The following SPEG variants were observed in gnomAD, a reference collection of about 807,000 sequenced individuals.
The protein encoded by SPEG is striated muscle enriched protein kinase, also known as striated muscle preferentially expressed protein kinase.
A neutral mutation model predicts 300.4 loss-of-function variants in SPEG; 114 were observed. The ratio of observed to expected loss-of-function variants is 0.38; its 90% confidence interval spans 0.33 to 0.44. The LOEUF (loss-of-function observed/expected upper bound fraction) is 0.44. Among genes scored for constraint, SPEG ranks in the 20% least tolerant of loss-of-function variants. SPEG has a pLI of 1.00. For synonymous variants in SPEG, 1,964 were observed against 2,018.9 expected (o/e 0.97, Z 0.73); for missense variants, 4,201 against 4,586.2 (o/e 0.92, Z 2.43).
At position 219,473,523 on chromosome 2, in the gene SPEG, C is replaced by T; in HGVS notation, c.4167C>T (p.Ala1389=). 6.2e-7 allele frequency: 1 copy of T among 1,614,078 alleles called. No homozygotes were observed. The highest frequency in any genetic ancestry group is 1.1e-5 in the South Asian group (1 of 91,078). The stretch of plus-strand genomic sequence containing the variant: ...TCCCAGGCCCAACCCTGGAGGAGGC[C>T]CCTGCCATGCTGGACAAACCAGACA... ...LLEHGPTLEE[A]PAMLDKPDIV... Residue 1389 remains alanine, a synonymous_variant, in exon 17 of 41, where the codon GCC becomes GCT. Coordinates refer to ENST00000312358, the MANE Select transcript of SPEG (RefSeq NM_005876.5). This position sits in a 1 kb window ranked among gnomAD's most constrained non-coding sequence, Gnocchi z 4.6.
At chr2:219,465,827 A>T (rs1012894574) in intron 9 of SPEG, 6 of 591,698 alleles carry the variant, frequency 1.0e-5, no homozygotes, top group Middle Eastern at 4.4e-4. Flanking sequence ...GTGCGTGCGC[A>T]TGCGTGCGTG....
rs1471446396 is a variant in SPEG, at chr2:219,473,775, G to A, written c.4319G>A (p.Ser1440Asn). ...LEARAGVYEL[S>N]QPDDDQYCLR... ...GCACGGGCCGGTGTGTACGAGCTGA[G>A]CCAGCCAGATGATGACCAGTACTGT... is the stretch of plus-strand genomic sequence containing the variant. Residue 1440 changes from serine to asparagine, a missense_variant, in exon 18 of 41, where the codon AGC becomes AAC. Coordinates refer to ENST00000312358, the MANE Select transcript of SPEG (RefSeq NM_005876.5). This position sits in a 1 kb window ranked among gnomAD's most constrained non-coding sequence, Gnocchi z 4.6. The A allele has an allele frequency of 1.9e-6, 3 of 1,614,052 alleles. No individual in the cohort carries two copies. Among genetic ancestry groups the A allele is most frequent in the South Asian group, 1.1e-5 (1 of 91,086 alleles).
In SPEG at chr2:219,465,999, G is replaced by A. The variant is rs561140078; in HGVS notation, c.2882-1175G>A. On this transcript the variant is annotated intron_variant, in intron 9 of 40. Coordinates refer to ENST00000312358, the MANE Select transcript of SPEG (RefSeq NM_005876.5). ...TGTGCATGTGTGTGTGTGCGCGTGC[G>A]TGCGCGTATGCTGCACTAACCTGCC... 2.2e-4 allele frequency: 326 copies of A among 1,472,400 alleles called. 1 individual carries two copies. In the South Asian group the frequency reaches 3.4e-3, roughly 15 times the overall value. 91.2% of individuals were successfully genotyped at this position (1,472,400 alleles called of 1,614,324 possible).
chr2:219,472,095 TG>T, intron 14 of SPEG, 108 bp downstream of exon 14: 1 of 1,526,970 alleles, frequency 6.5e-7, no homozygotes. Context: ...CTCCATCCCC[TG>T]GGGACCCTCT....
intron 31 of SPEG, among the ~76,000 whole-genome samples, chr2:219,487,837 A>G (rs1693585003): frequency 6.6e-6 from 1 of 152,156 alleles, no homozygotes; most frequent in Non-Finnish European, 1.5e-5. Context: ...CTTAACCATT[A>G]TAGTTTTTCA....
chr2:219,472,047 G>T, intron 14 of SPEG, 60 bp downstream of exon 14: 1 of 1,595,254 alleles, frequency 6.3e-7, no homozygotes, highest in Non-Finnish European at 8.5e-7. Context: ...CACTACGTGG[G>T]GGCTCAGGGA....
chr2:219,466,888 C>A, intron 9 of SPEG: 1 of 1,203,910 alleles, frequency 8.3e-7, no homozygotes, highest in South Asian at 3.5e-5. Flanking sequence ...TTTTTTTTCC[C>A]CCGCCGATGT....
At position 219,464,401 on chromosome 2, in the gene SPEG, G is replaced by T. The variant is rs374627319; in HGVS notation, c.2706-32G>T. ...CTGTGCACGCACATCAGGCCCCTGG[G>T]CCCTGGGACTGAGTTCTTGCCCCTC... is the stretch of plus-strand genomic sequence containing the variant. On this transcript the variant is annotated intron_variant, in intron 8 of 40. Transcript: ENST00000312358. This position sits in a 1 kb window ranked among gnomAD's most constrained non-coding sequence, Gnocchi z 4.5. 6.3e-7 allele frequency: 1 copy of T among 1,592,732 alleles called. No individual in the cohort carries two copies. The highest frequency in any genetic ancestry group is 1.3e-5 in the African/African-American group (1 of 74,756).
chr2:219,450,438 C>T (rs1212604573), intron 4 of SPEG, among the ~76,000 whole-genome samples: 1 of 152,182 alleles, frequency 6.6e-6, no homozygotes, highest in Non-Finnish European at 1.5e-5. Context: ...TATGGAATGT[C>T]AGAGTTGGAG....
In SPEG at chr2:219,463,430, T is replaced by A. The variant is rs867649928; in HGVS notation, c.2706-1003T>A. 5.4e-3 allele frequency among the ~76,000 whole-genome samples: 607 copies of A among 111,408 alleles called. 7 individuals carry two copies. The highest frequency in any genetic ancestry group is 0.02 in the African/African-American group (571 of 28,558). The allele number at this position is 111,408 out of a possible 152,430, so 73.1% of individuals were successfully genotyped here. A position where few individuals can be genotyped will look rare whatever the true frequency, so the allele number is the denominator to read the frequency against. ...TTTTTTTTTTTTTTTTTTTTTTTTT[T>A]AGCTGGAGTTTCACTCTTTGTCGCC... On this transcript the variant is annotated intron_variant, in intron 8 of 40. Transcript: ENST00000312358.
Position 219,489,918 on chromosome 2 carries a change from C to A in SPEG, c.8900C>A (p.Thr2967Asn). 1 of 1,577,578 alleles carries A rather than the reference C, an allele frequency of 6.3e-7. No homozygotes were observed. The highest frequency in any genetic ancestry group is 1.7e-5 in the Admixed American group (1 of 57,284). ...LRQGPPQKPY[T>N]FLEEKARGRF... ...CAGGGTCCCCCTCAGAAACCCTACA[C>A]CTTCCTGGAGGAGAAAGCCAGGCAA... The change falls in exon 36 of 41, where the codon ACC (threonine) becomes AAC (asparagine). Residue 2967 changes from threonine to asparagine, a missense_variant. Physicochemically the swap from Thr to Asn is moderately conservative, Grantham distance 65. This residue lies in a region of SPEG where 318 missense variants were observed against 429.5 expected (regional missense o/e 0.74). Transcript: ENST00000312358.
chr2:219,477,362 C>A lies in SPEG; in HGVS notation c.4646C>A (p.Ala1549Asp), dbSNP rs1406400050. The A allele has an allele frequency of 6.2e-7, 1 of 1,613,128 alleles. No homozygotes were observed. Among genetic ancestry groups the A allele is most frequent in the Middle Eastern group, 1.7e-4 (1 of 6,058 alleles). ...ECSLVVLSTG[A>D]QDGGVYTCTA... The stretch of plus-strand genomic sequence containing the variant: ...TCCCTGGTGGTGCTCAGCACGGGGG[C>A]CCAGGATGGAGGCGTCTACACCTGC... Residue 1549 changes from alanine (A) to aspartate (D), a missense_variant, in exon 20 of 41, where the codon GCC (alanine) becomes GAC (aspartate). Transcript: ENST00000312358. The surrounding 1 kb of genome is among the most constrained non-coding windows in gnomAD (Gnocchi z 6.4).
At chr2:219,461,368 G>A (rs907016459) in intron 6 of SPEG, 83 of 988,904 alleles carry the variant, frequency 8.4e-5, no homozygotes, top group Non-Finnish European at 9.3e-5. Flanking sequence ...AGATAGTGCC[G>A]CCTCATTGGC....
chr2:219,476,757 T>C, intron 18 of SPEG, 113 bp from the exon 19 acceptor site: 3 of 769,052 alleles, frequency 3.9e-6, no homozygotes, highest in African/African-American at 1.7e-5. Flanking sequence ...GGCGGGGGTC[T>C]AGCGTTCTGA....
rs375369894 is a variant in SPEG, at chr2:219,485,412, C to G, written c.7676C>G (p.Ser2559Trp). Reference sequence around the variant, plus strand: ...CGGCCGCGGAAGGACAAGGGGTTATCGCCACCAAACCTCTCTGCCAGCGTC... The same window carrying G: ...CGGCCGCGGAAGGACAAGGGGTTATGGCCACCAAACCTCTCTGCCAGCGTC... ...FSRPRKDKGL[S>W]PPNLSASVQE... Residue 2559 changes from serine to tryptophan, a missense_variant, in exon 31 of 41, where the codon TCG becomes TGG. Physicochemically the swap from Ser to Trp is radical, Grantham distance 177. This residue lies in a region of SPEG where 1,578 missense variants were observed against 1,506.0 expected (regional missense o/e 1.05). Coordinates refer to ENST00000312358, the MANE Select transcript of SPEG (RefSeq NM_005876.5). The G allele has an allele frequency of 2.5e-6, 4 of 1,607,298 alleles. No homozygotes were observed. The highest frequency in any genetic ancestry group is 1.1e-5 in the South Asian group (1 of 90,468).
Position 219,489,852 on chromosome 2 carries a change from G to C in SPEG, c.8834G>C (p.Ser2945Thr), listed in dbSNP as rs1263661305. Residue 2945 changes from serine (S) to threonine (T), a missense_variant, in exon 36 of 41, where the codon AGT becomes ACT. Physicochemically the swap from Ser to Thr is moderately conservative, Grantham distance 58 (BLOSUM62 1). This residue lies in a region of SPEG where 1,578 missense variants were observed against 1,506.0 expected (regional missense o/e 1.05). Coordinates refer to ENST00000312358, the MANE Select transcript of SPEG (RefSeq NM_005876.5). ...GAGGTGGTCAGCTCCCCTGGGAGCA[G>C]TCCCCGAAGCTCTCCCAGGCCTGAG... Reference protein sequence around the residue: ...AKEVVSSPGSSPRSSPRPEGT... With the variant: ...AKEVVSSPGSTPRSSPRPEGT... The C allele has an allele frequency of 1.2e-6, 2 of 1,612,592 alleles. No homozygotes were observed. The highest frequency in any genetic ancestry group is 1.1e-5 in the South Asian group (1 of 91,068).
chr2:219,460,288 A>G, intron 6 of SPEG: 7 of 985,126 alleles, frequency 7.1e-6, no homozygotes, highest in Non-Finnish European at 8.4e-6. Context: ...AGATCTTGAC[A>G]GTTCTCCGAT....
intron 6 of SPEG, among the ~76,000 whole-genome samples, chr2:219,452,691 C>T (rs934082481): frequency 6.6e-6 from 1 of 152,118 alleles, no homozygotes; most frequent in Non-Finnish European, 1.5e-5. Context: ...GGGATGCCTG[C>T]GCTGAGAGAC....
intron 29 of SPEG, 95 bp downstream of exon 29, chr2:219,482,947 C>A: frequency 1.4e-6 from 2 of 1,427,760 alleles, no homozygotes; most frequent in South Asian, 1.2e-5. Flanking sequence ...CTGCTCCTGT[C>A]TTCTCGCTTT....
Sources: gnomAD v4.1 joint callset for allele counts (sites outside exome capture counted in the v4.1 genomes callset) on GRCh38, gnomAD v4.1.1 for gene constraint, gnomAD v4.1.1 regional missense constraint, Gnocchi (gnomAD v3.1) non-coding constraint, MANE v1.5 for transcripts, NCBI Gene and HGNC (gene_info 2026-07-23, HGNC 2026-07-21) for gene names.